Variants in CNTNAP5 observed in about 807,000 individuals in gnomAD.
CNTNAP5 encodes the protein contactin-associated protein-like 5.
CNTNAP5 carries 72 observed loss-of-function variants against 150.2 expected under a neutral mutation model. The observed-to-expected ratio is 0.48, with a 90% CI of 0.40 to 0.58. The LOEUF (loss-of-function observed/expected upper bound fraction) is 0.58. CNTNAP5 is among the 20% of genes least tolerant of loss of function. The pLI is 0.00. For missense variants in CNTNAP5, 1,636 were observed against 1,626.2 expected, an observed-to-expected ratio of 1.01 and a Z score of -0.10; for synonymous variants, 672 against 619.8, an observed-to-expected ratio of 1.08 and a Z score of -1.25.
chr2:124,124,433 C>T (rs1355798831), intron 1 of CNTNAP5, among the ~76,000 whole-genome samples: 1 of 152,184 alleles, frequency 6.6e-6, no homozygotes, highest in Admixed American at 6.5e-5. Flanking sequence ...AAATCTACGT[C>T]TGATTGGTGT....
At chr2:124,193,546 C>T (rs746073776) in intron 1 of CNTNAP5, among the ~76,000 whole-genome samples, 24 of 152,136 alleles carry the variant, frequency 1.6e-4, no homozygotes, top group Non-Finnish European at 2.6e-4. Flanking sequence ...TGGAATTTTA[C>T]TCAGCATGGG....
intron 10 of CNTNAP5, among the ~76,000 whole-genome samples, chr2:124,541,435 T>C (rs185081408): frequency 1.3e-5 from 2 of 152,124 alleles, no homozygotes; most frequent in Admixed American, 6.6e-5. Flanking sequence ...AAAGTCAGCC[T>C]ACTCAAAATA....
chr2:124,612,414 A>T (rs1677405122), intron 12 of CNTNAP5, among the ~76,000 whole-genome samples: 1 of 152,168 alleles, frequency 6.6e-6, no homozygotes, highest in African/African-American at 2.4e-5. Context: ...AATATAGCTT[A>T]GAAATGTTAA....
intron 9 of CNTNAP5, among the ~76,000 whole-genome samples, chr2:124,525,242 G>T (rs1292560776): frequency 1.3e-5 from 2 of 152,124 alleles, no homozygotes; most frequent in Non-Finnish European, 2.9e-5. Flanking sequence ...CTCTGAAAAG[G>T]ATTTAACCTC....
intron 7 of CNTNAP5, among the ~76,000 whole-genome samples, chr2:124,487,646 G>GGC (rs1693917757): frequency 6.6e-6 from 1 of 151,932 alleles, no homozygotes; most frequent in Admixed American, 6.6e-5. Context: ...AGCTTGCCTA[G>GGC]AAGCTCATTT....
Position 124,644,333 on chromosome 2 carries a change from G to C in CNTNAP5, c.1877-3425G>C, listed in dbSNP as rs1272017715. 2.0e-5 allele frequency among the ~76,000 whole-genome samples: 3 copies of C among 151,800 alleles called. No individual in the cohort carries two copies. The East Asian group carries it at 5.8e-4, about 29-fold the overall frequency. On this transcript the variant is annotated intron_variant, in intron 12 of 23. Transcript: ENST00000682447. Reference sequence around the variant, plus strand: ...TTTCAATATTTAGTCAGGATGCAGGGCTAAATCTACACAACCACCAATGCA... The same window carrying C: ...TTTCAATATTTAGTCAGGATGCAGGCCTAAATCTACACAACCACCAATGCA...
intron 1 of CNTNAP5, among the ~76,000 whole-genome samples, chr2:124,171,972 T>A (rs1684944843): frequency 1.3e-5 from 2 of 152,250 alleles, no homozygotes; most frequent in Admixed American, 1.3e-4. Flanking sequence ...AAATGCTGAA[T>A]GATTTAGGAA....
At chr2:124,602,877 C>T (rs545784463) in intron 11 of CNTNAP5, among the ~76,000 whole-genome samples, 1 of 152,252 alleles carries the variant, frequency 6.6e-6, no homozygotes, top group South Asian at 2.1e-4. Flanking sequence ...TAACACAGGA[C>T]AACTCATCTT....
chr2:124,850,352 A>C (rs1683129962), intron 19 of CNTNAP5, among the ~76,000 whole-genome samples: 1 of 152,194 alleles, frequency 6.6e-6, no homozygotes, highest in South Asian at 2.1e-4. Flanking sequence ...AAGGAAAATG[A>C]GATGTGGATA....
In CNTNAP5 at chr2:124,915,297, G is replaced by T. The variant is rs899554559; in HGVS notation, c.*1009G>T. 1.8e-5 allele frequency: 3 copies of T among 165,674 alleles called. No individual in the cohort carries two copies. The highest frequency in any genetic ancestry group is 7.3e-5 in the African/African-American group (3 of 41,020). The allele number at this position is 165,674 out of a possible 1,614,324, so 10.3% of individuals were successfully genotyped here. On this transcript the variant is annotated 3_prime_UTR_variant, in exon 24 of 24. Coordinates refer to ENST00000682447, the MANE Select transcript of CNTNAP5 (RefSeq NM_001367498.1). ...GAAATAAAAGTTTAAAATAGTACCC[G>T]GTTCAATGAAAGAGCCTAAACCATC... is the stretch of plus-strand genomic sequence containing the variant.
At chr2:124,542,829 C>A (rs1056846987) in intron 10 of CNTNAP5, among the ~76,000 whole-genome samples, 1 of 151,856 alleles carries the variant, frequency 6.6e-6, no homozygotes, top group Non-Finnish European at 1.5e-5. Flanking sequence ...TGATTTGAAC[C>A]TTTTGAGCTT....
At chr2:124,779,842 G>C (rs1446280412) in intron 17 of CNTNAP5, among the ~76,000 whole-genome samples, 1 of 152,024 alleles carries the variant, frequency 6.6e-6, no homozygotes, top group Non-Finnish European at 1.5e-5. Flanking sequence ...AGTCTATCCT[G>C]GTACACCCCC....
chr2:124,609,686 A>G (rs1677336960), intron 11 of CNTNAP5, 115 bp from the exon 12 acceptor site: 26 of 1,155,778 alleles, frequency 2.2e-5, no homozygotes, highest in Middle Eastern at 4.1e-4. Context: ...AGTCAAGGAT[A>G]TAGAAGGAGG....
At chr2:124,179,349 G>A (rs1238971886) in intron 1 of CNTNAP5, among the ~76,000 whole-genome samples, 6 of 151,880 alleles carry the variant, frequency 4.0e-5, no homozygotes, top group South Asian at 2.1e-4. Flanking sequence ...TTGTAGAGAC[G>A]AGGTTTTGCC....
At chr2:124,097,897 G>C (rs1222637594) in intron 1 of CNTNAP5, among the ~76,000 whole-genome samples, 2 of 152,126 alleles carry the variant, frequency 1.3e-5, no homozygotes, top group Non-Finnish European at 2.9e-5. Flanking sequence ...GCATGGTGAC[G>C]TGCACCTGTA....
chr2:124,786,108 A>G (rs1315996764), intron 17 of CNTNAP5, among the ~76,000 whole-genome samples: 2 of 151,780 alleles, frequency 1.3e-5, no homozygotes, highest in East Asian at 3.9e-4. Flanking sequence ...ATAAATTTTA[A>G]CGAATTAGCT....
chr2:124,215,826 C>CA (rs1377030184), intron 1 of CNTNAP5, among the ~76,000 whole-genome samples: 1 of 151,694 alleles, frequency 6.6e-6, no homozygotes, highest in African/African-American at 2.4e-5. Context: ...TTTCACTTCG[C>CA]AGAAAAAAGA....
chr2:124,616,054 GAGAGT>G (rs151256174), intron 12 of CNTNAP5, among the ~76,000 whole-genome samples: 5,306 of 152,248 alleles, frequency 0.035, 143 homozygotes, highest in Non-Finnish European at 0.056. Context: ...ATTCCATTTA[GAGAGT>G]ACAGGCAGAG....
rs559210762 is a variant in CNTNAP5, at chr2:124,203,528, G to C, written c.83-18177G>C. Among the ~76,000 whole-genome samples, 7 of 152,274 alleles carry C rather than the reference G, an allele frequency of 4.6e-5. No homozygotes were observed. In the East Asian group the frequency reaches 7.8e-4, roughly 17 times the overall value. ...CACATTTTCCTTCCTCACTTCCCTA[G>C]CAGAAGTTCTCCATGAGGGTTCTGC... On this transcript the variant is annotated intron_variant, in intron 1 of 23. Transcript: ENST00000682447.
Sources: gnomAD v4.1 joint callset for allele counts (sites outside exome capture counted in the v4.1 genomes callset) on GRCh38, gnomAD v4.1.1 for gene constraint, MANE v1.5 for transcripts, NCBI Gene and HGNC (gene_info 2026-07-23, HGNC 2026-07-21) for gene names.